NUP160: variants seen among roughly 807,000 people sequenced by gnomAD.
NUP160 encodes nuclear pore complex protein Nup160.
In NUP160, 94 loss-of-function variants were observed where a neutral mutation model predicts 196.9. The observed-to-expected ratio is 0.48, with a 90% CI of 0.40 to 0.57. The LOEUF (loss-of-function observed/expected upper bound fraction) is 0.57. Ranked by LOEUF, NUP160 falls within the 20% of genes least tolerant of loss-of-function variation. NUP160 has a pLI of 0.00. For missense variants in NUP160, 1,638 were observed against 1,748.3 expected, an observed-to-expected ratio of 0.94 and a Z score of 1.13; for synonymous variants, 605 against 619.7, an observed-to-expected ratio of 0.98 and a Z score of 0.35.
rs2097672024 is a variant in NUP160, at chr11:47,798,270, T to C, written c.2992-8A>G. The C allele has an allele frequency of 1.3e-6, 2 of 1,590,290 alleles. No homozygotes were observed. Among genetic ancestry groups the C allele is most frequent in the Non-Finnish European group, 1.7e-6 (2 of 1,159,228 alleles). On this transcript the variant is annotated splice_polypyrimidine_tract_variant and splice_region_variant and intron_variant, in intron 24 of 35. Transcript: ENST00000378460. Reference sequence around the variant, plus strand: ...ACATGTCCTTAGAGTAGCCTAAATATCAAATGTAGATCAAATATCAAAAAG... The same window carrying C: ...ACATGTCCTTAGAGTAGCCTAAATACCAAATGTAGATCAAATATCAAAAAG...
intron 17 of NUP160, 36 bp from the exon 18 acceptor site, chr11:47,808,565 T>A: frequency 1.3e-6 from 2 of 1,585,982 alleles, no homozygotes; most frequent in Non-Finnish European, 1.7e-6. Flanking sequence ...GACAAGAAAT[T>A]ATAGCAATTA....
intron 34 of NUP160, among the ~76,000 whole-genome samples, chr11:47,782,338 ATATATATATATATATATATG>A: frequency 1.0e-5 from 1 of 96,366 alleles, no homozygotes; most frequent in African/African-American, 3.9e-5. Context: ...ATATATATAT[ATATATATATATATATATATG>A]CGCCTATACC....
At position 47,822,089 on chromosome 11, in the gene NUP160, G is replaced by C. The variant is rs1332089065; in HGVS notation, c.1177C>G (p.Gln393Glu). The change falls in exon 8 of 36, where the codon CAG becomes GAG. Residue 393 changes from glutamine (Q) to glutamate (E), a missense_variant and splice_region_variant. Physicochemically the swap from Gln to Glu is conservative, Grantham distance 29. Around this residue, in one of 3 missense-constraint regions of NUP160, gnomAD observed 1,345 missense variants for 1,470.2 expected, o/e 0.91. Coordinates refer to ENST00000378460, the Ensembl canonical transcript of NUP160. ...ATGCAAAGGATGAATCAACCTACCT[G>C]AGAAGTGAACAGTGAAGAAATATGA... 6 of 1,597,504 alleles carry C rather than the reference G, an allele frequency of 3.8e-6. No individual in the cohort carries two copies. Among genetic ancestry groups the C allele is most frequent in the Middle Eastern group, 1.7e-4 (1 of 6,020 alleles).
chr11:47,836,151 G>A (rs1852169189), intron 6 of NUP160, among the ~76,000 whole-genome samples: 1 of 152,292 alleles, frequency 6.6e-6, no homozygotes, highest in Non-Finnish European at 1.5e-5. Context: ...GGGAAGCTGA[G>A]GCAGGAGAAT....
chr11:47,796,494 A>G (rs185035430), intron 27 of NUP160: 4 of 285,578 alleles, frequency 1.4e-5, no homozygotes, highest in Middle Eastern at 1.1e-3. Flanking sequence ...TAAATAAATA[A>G]ATAGATATTG....
In NUP160 at chr11:47,819,367, T is replaced by TTA. The variant is rs777385380; in HGVS notation, c.1362+6_1362+7insTA. On this transcript the variant is annotated splice_region_variant and intron_variant, in intron 10 of 35. Coordinates refer to ENST00000378460, the Ensembl canonical transcript of NUP160. ...TTCCCTTATATAACATTTGAGCATC[T>TTA]ACTTACTCTGGGGTCTTGATCATCT... The TTA allele has an allele frequency of 1.3e-5, 20 of 1,569,892 alleles. No individual in the cohort carries two copies. The East Asian group carries it at 4.3e-4, about 33-fold the overall frequency.
In NUP160 at chr11:47,819,333, A is replaced by G. The variant is rs113822384; in HGVS notation, c.1362+41T>C. On this transcript the variant is annotated intron_variant, in intron 10 of 35. Coordinates refer to ENST00000378460, the Ensembl canonical transcript of NUP160. The stretch of plus-strand genomic sequence containing the variant: ...GTCTCAAAAAAAAAAAAAAGATCAA[A>G]GTAAATCATTCCCTTATATAACATT... 8,807 of 1,387,418 alleles carry G rather than the reference A, an allele frequency of 6.3e-3. 490 individuals carry two copies. In the African/African-American group the frequency reaches 0.11, roughly 17 times the overall value. 85.9% of individuals were successfully genotyped at this position (1,387,418 alleles called of 1,614,324 possible). A position where few individuals can be genotyped will look rare whatever the true frequency, so the allele number is the denominator to read the frequency against.
In NUP160 at chr11:47,837,623, C is replaced by T. The variant is rs760918686; in HGVS notation, c.749G>A (p.Gly250Asp). The change falls in exon 5 of 36, where the codon GGT becomes GAT. Residue 250 changes from glycine (G) to aspartate (D), a missense_variant and splice_region_variant. Gly to Asp is a moderately conservative substitution (Grantham distance 94, BLOSUM62 -1). This residue lies in a region of NUP160 where 1,345 missense variants were observed against 1,470.2 expected (regional missense o/e 0.91). Coordinates refer to ENST00000378460, the Ensembl canonical transcript of NUP160. ...TTTCAGTTCCACGACTGACACCATA[C>T]CTGCAATGATATCCAAGGCACCTCT... 36 of 1,613,058 alleles carry T rather than the reference C, an allele frequency of 2.2e-5. 1 individual carries two copies. The South Asian group carries it at 4.0e-4, about 18-fold the overall frequency.
At chr11:47,778,494 A>C (rs1445285972) in exon 36 of NUP160, 1 of 152,632 alleles carries the variant, frequency 6.6e-6, no homozygotes, top group Non-Finnish European at 1.5e-5. Context: ...AATTTACTCA[A>C]CTTTAGCTCA....
At chr11:47,813,218 G>C in intron 14 of NUP160, 98 bp downstream of exon 14, 1 of 1,056,016 alleles carries the variant, frequency 9.5e-7, no homozygotes, top group Non-Finnish European at 1.4e-6. Context: ...AAGTGACCAA[G>C]ACAGGTGTGG....
exon 36 of NUP160, chr11:47,779,192 C>T: frequency 6.3e-7 from 1 of 1,599,572 alleles, no homozygotes; most frequent in South Asian, 1.1e-5. Flanking sequence ...TTTTCTGGGA[C>T]AGCTATAAGA....
intron 27 of NUP160, among the ~76,000 whole-genome samples, chr11:47,796,548 G>T (rs1258923820): frequency 6.6e-6 from 1 of 152,052 alleles, no homozygotes; most frequent in Non-Finnish European, 1.5e-5. Context: ...GGAGGGAAGA[G>T]GAGATAAGAA....
intron 27 of NUP160, 86 bp downstream of exon 27, chr11:47,797,693 A>G (rs2097671640): frequency 2.3e-6 from 2 of 883,432 alleles, no homozygotes; most frequent in Non-Finnish European, 3.7e-6. Flanking sequence ...ATTAAAAATT[A>G]CCTAAGTCCA....
chr11:47,782,955 G>A (rs910324396), intron 34 of NUP160, 118 bp downstream of exon 34: 13 of 878,022 alleles, frequency 1.5e-5, no homozygotes, highest in African/African-American at 6.8e-5. Flanking sequence ...CACTGTGCCC[G>A]GCCATCAGTA....
At chr11:47,780,528 G>A in intron 34 of NUP160, 81 bp from the exon 35 acceptor site, 2 of 727,478 alleles carry the variant, frequency 2.7e-6, no homozygotes, top group Admixed American at 2.9e-5. Context: ...GGACTCTGTA[G>A]AATAAAATAC....
chr11:47,792,284 T>C (rs866209579), intron 28 of NUP160: 3 of 318,170 alleles, frequency 9.4e-6, no homozygotes, highest in Non-Finnish European at 1.7e-5. Flanking sequence ...AACAGCTGCA[T>C]GTATCTGACC....
At chr11:47,811,961 G>T in intron 17 of NUP160, 103 bp downstream of exon 17, 2 of 1,008,764 alleles carry the variant, frequency 2.0e-6, no homozygotes, top group East Asian at 2.5e-5. Flanking sequence ...AGTGAACCAA[G>T]ACAAAAGTAT....
chr11:47,801,925 C>T (rs753088621), exon 23 of NUP160: 1 of 1,613,730 alleles, frequency 6.2e-7, no homozygotes, highest in East Asian at 2.2e-5. Flanking sequence ...AAAAACATTC[C>T]AGAGCCTGGA....
chr11:47,820,794 C>T (rs1851841448), intron 9 of NUP160, among the ~76,000 whole-genome samples: 1 of 152,086 alleles, frequency 6.6e-6, no homozygotes, highest in Admixed American at 6.6e-5. Flanking sequence ...TTGTGATCTG[C>T]CCACTTCAGC....
Sources: gnomAD v4.1 joint callset for allele counts (sites outside exome capture counted in the v4.1 genomes callset) on GRCh38, gnomAD v4.1.1 for gene constraint, gnomAD v4.1.1 regional missense constraint, MANE v1.5 for transcripts, NCBI Gene and HGNC (gene_info 2026-07-23, HGNC 2026-07-21) for gene names.